Variants in SCAPER observed in about 807,000 individuals in gnomAD.
The protein encoded by SCAPER is S-phase cyclin A associated protein in the ER.
In SCAPER, 98 loss-of-function variants were observed where a neutral mutation model predicts 182.2. The ratio of observed to expected loss-of-function variants is 0.54; its 90% CI spans 0.46 to 0.64. The LOEUF (loss-of-function observed/expected upper bound fraction) is 0.64. Ranked by LOEUF, SCAPER falls within the 30% of genes least tolerant of loss-of-function variation. SCAPER has a pLI of 0.00. For missense variants in SCAPER, 1,432 were observed against 1,690.0 expected, an observed-to-expected ratio of 0.85 and a Z score of 2.68; for synonymous variants, 605 against 564.6, an observed-to-expected ratio of 1.07 and a Z score of -1.01.
chr15:76,818,638 C>T (rs959258664), intron 5 of SCAPER, among the ~76,000 whole-genome samples: 1 of 152,190 alleles, frequency 6.6e-6, no homozygotes, highest in African/African-American at 2.4e-5. Flanking sequence ...GGAACAGCTC[C>T]AGTCTACAGC....
At chr15:76,521,126 A>G (rs1001606703) in intron 23 of SCAPER, among the ~76,000 whole-genome samples, 1 of 152,216 alleles carries the variant, frequency 6.6e-6, no homozygotes, top group Admixed American at 6.5e-5. Flanking sequence ...GGAATTTTAG[A>G]TTAGCAAGGA....
intron 23 of SCAPER, among the ~76,000 whole-genome samples, chr15:76,539,911 G>C (rs903015322): frequency 6.6e-6 from 1 of 152,062 alleles, no homozygotes; most frequent in Non-Finnish European, 1.5e-5. Flanking sequence ...GTCCATAATG[G>C]TATATGTAAA....
intron 2 of SCAPER, among the ~76,000 whole-genome samples, chr15:76,874,432 T>A (rs2073003345): frequency 6.7e-6 from 1 of 150,202 alleles, no homozygotes; most frequent in African/African-American, 2.5e-5. Context: ...AAGGAAGTAA[T>A]AAACAGCAAA....
chr15:76,631,021 G>GAA (rs2053059928), intron 21 of SCAPER, among the ~76,000 whole-genome samples: 1 of 152,144 alleles, frequency 6.6e-6, no homozygotes, highest in Non-Finnish European at 1.5e-5. Flanking sequence ...AGGTCTTCTT[G>GAA]TTGAATTGAC....
At chr15:76,795,568 C>T (rs543543280) in intron 7 of SCAPER, 128 bp from the exon 8 acceptor site, 12 of 617,644 alleles carry the variant, frequency 1.9e-5, no homozygotes, top group African/African-American at 1.1e-4. Flanking sequence ...TAATCTGCCA[C>T]GGCAATTTAA....
In SCAPER at chr15:76,665,590, G is replaced by T. The variant is rs971082409; in HGVS notation, c.2645+63C>A. On this transcript the variant is annotated intron_variant, in intron 21 of 31. Coordinates refer to ENST00000563290, the MANE Select transcript of SCAPER (RefSeq NM_020843.4). Reference sequence around the variant, plus strand: ...CTTTAAACTTTTTTTGTCTTCCTTGGATTTACATTAAAAGATACATCACTA... The same window carrying T: ...CTTTAAACTTTTTTTGTCTTCCTTGTATTTACATTAAAAGATACATCACTA... 2.2e-5 allele frequency: 33 copies of T among 1,490,648 alleles called. No homozygotes were observed. In the African/African-American group the frequency reaches 3.8e-4, roughly 17 times the overall value. The allele number at this position is 1,490,648 out of a possible 1,614,324, so 92.3% of individuals were successfully genotyped here.
chr15:76,653,961 C>T (rs537827816), intron 21 of SCAPER, among the ~76,000 whole-genome samples: 1 of 152,116 alleles, frequency 6.6e-6, no homozygotes, highest in East Asian at 1.9e-4. Context: ...ACTATGCATC[C>T]AACAAAGGCC....
Position 76,775,918 on chromosome 15 carries a change from C to T in SCAPER, c.773-801G>A, listed in dbSNP as rs530446429. Among the ~76,000 whole-genome samples the T allele has an allele frequency of 2.9e-4, 44 of 152,194 alleles. 1 individual carries two copies. Among genetic ancestry groups the T allele is most frequent in the Non-Finnish European group, 4.9e-4 (33 of 67,992 alleles). ...TTTATATGTATAGTGGTGCTTATAG[C>T]CCCAATTGTAAATTTTTATTGGCTA... is the stretch of plus-strand genomic sequence containing the variant. On this transcript the variant is annotated intron_variant, in intron 8 of 31. Transcript: ENST00000563290.
chr15:76,810,042 C>CTTTAT (rs2066471851), intron 5 of SCAPER, among the ~76,000 whole-genome samples: 1 of 152,008 alleles, frequency 6.6e-6, no homozygotes, highest in South Asian at 2.1e-4. Context: ...ATAAAGACTT[C>CTTTAT]CAAAGACAAA....
At position 76,526,177 on chromosome 15, in the gene SCAPER, G is replaced by A. The variant is rs182225818; in HGVS notation, c.2839-21203C>T. Among the ~76,000 whole-genome samples, 389 of 152,084 alleles carry A rather than the reference G, an allele frequency of 2.6e-3. 2 individuals carry two copies. Among genetic ancestry groups the A allele is most frequent in the African/African-American group, 9.0e-3 (373 of 41,476 alleles). ...AGTATACCTTTTAATTATTTTTAGT[G>A]ATGACCTGTGGTAACTATATTTCCT... On this transcript the variant is annotated intron_variant, in intron 23 of 31. Transcript: ENST00000563290.
chr15:76,409,140 A>C (rs1847869424), intron 26 of SCAPER, among the ~76,000 whole-genome samples: 2 of 152,148 alleles, frequency 1.3e-5, no homozygotes, highest in Admixed American at 1.3e-4. Flanking sequence ...GCTTAAACTA[A>C]ATGGCTCTAA....
intron 27 of SCAPER, among the ~76,000 whole-genome samples, chr15:76,389,689 G>A (rs2043539294): frequency 6.6e-6 from 1 of 150,970 alleles, no homozygotes; most frequent in African/African-American, 2.4e-5. Context: ...GTGGTGGCGG[G>A]CGCCTGTAGT....
chr15:76,593,218 G>T (rs2049256418), intron 22 of SCAPER, among the ~76,000 whole-genome samples: 1 of 121,532 alleles, frequency 8.2e-6, no homozygotes, highest in Non-Finnish European at 2.0e-5. Flanking sequence ...AGTTCGAGCT[G>T]GGTGGAGGCA....
At chr15:76,543,750 T>C (rs2044997099) in intron 23 of SCAPER, among the ~76,000 whole-genome samples, 3 of 152,194 alleles carry the variant, frequency 2.0e-5, no homozygotes, top group Admixed American at 2.0e-4. Context: ...CCATGAATGC[T>C]GTGACCTCCA....
chr15:76,494,015 A>G (rs1288532664), intron 24 of SCAPER, among the ~76,000 whole-genome samples: 1 of 152,184 alleles, frequency 6.6e-6, no homozygotes, highest in Non-Finnish European at 1.5e-5. Context: ...TTATATTAAA[A>G]TCATCCTGAC....
chr15:76,903,886 T>A (rs1481886232), intron 1 of SCAPER, among the ~76,000 whole-genome samples: 1 of 152,162 alleles, frequency 6.6e-6, no homozygotes, highest in African/African-American at 2.4e-5. Flanking sequence ...TAAGAAAGGC[T>A]CAGAAAAATT....
At chr15:76,466,419 CTTTTTTTT>C in intron 25 of SCAPER, among the ~76,000 whole-genome samples, 1,083 of 37,474 alleles carry the variant, frequency 0.029, 20 homozygotes, top group Middle Eastern at 0.12. Context: ...GTTGGTTCTT[CTTTTTTTT>C]TTTTTTTTTT....
At chr15:76,471,920 A>G (rs2050209860) in intron 24 of SCAPER, among the ~76,000 whole-genome samples, 1 of 152,198 alleles carries the variant, frequency 6.6e-6, no homozygotes, top group Non-Finnish European at 1.5e-5. Context: ...CAGACAGTTT[A>G]AGGTCAAACT....
chr15:76,804,889 C>A (rs2066041217), intron 5 of SCAPER, among the ~76,000 whole-genome samples: 1 of 151,906 alleles, frequency 6.6e-6, no homozygotes, highest in Non-Finnish European at 1.5e-5. Flanking sequence ...TCCTTTCAAC[C>A]TTTTTATTAT....
Sources: allele counts gnomAD v4.1 joint callset (sites outside exome capture counted in the v4.1 genomes callset), GRCh38; gene constraint gnomAD v4.1.1; transcripts MANE v1.5; gene names NCBI Gene and HGNC (gene_info 2026-07-23, HGNC 2026-07-21).